INTS6L: variants seen among roughly 807,000 people sequenced by gnomAD.
INTS6L encodes the protein integrator complex subunit 6 like.
INTS6L carries 18 observed loss-of-function variants against 64.7 expected under a neutral mutation model. That is an observed-to-expected ratio of 0.28 (90% CI 0.19 to 0.41). The LOEUF (loss-of-function observed/expected upper bound fraction) is 0.41, where lower values mean the gene tolerates loss of function less well. Among genes scored for constraint, INTS6L ranks in the 10% least tolerant of loss-of-function variants. The probability of loss-of-function intolerance (pLI) is 1.00; values close to 1 mark genes in which losing one functional copy is unlikely to be tolerated. For missense variants in INTS6L, 533 were observed against 661.0 expected (o/e 0.81, Z 2.12); for synonymous variants, 227 against 235.9 (o/e 0.96, Z 0.34).
At chrX:135,530,930 G>T (rs1435057578) in intron 2 of INTS6L, among the ~76,000 whole-genome samples, 1 of 111,667 alleles carries the variant, frequency 9.0e-6, no homozygotes, top group Non-Finnish European at 1.9e-5. Flanking sequence ...TTTTCCCCTG[G>T]TTATACTACT....
In INTS6L at chrX:135,577,244, G is replaced by A; in HGVS notation, c.1936G>A (p.Val646Met). The A allele has an allele frequency of 8.3e-7, 1 of 1,211,674 alleles. No homozygotes were observed. Among genetic ancestry groups the A allele is most frequent in the Non-Finnish European group, 1.1e-6 (1 of 895,520 alleles). Residue 646 changes from valine (V) to methionine (M), a missense_variant, in exon 15 of 18, where the codon GTG becomes ATG. Val to Met is a conservative substitution (Grantham distance 21). Transcript: ENST00000639893. The part of the protein sequence containing the change: ...DEFVAGPQNK[V>M]KRPGEPNSPM... ...GTTTGTAGCAGGGCCACAAAACAAA[G>A]TGAAACGTCCAGGGGAACCCAACAG...
chrX:135,536,488 C>T (rs992206350), intron 2 of INTS6L, among the ~76,000 whole-genome samples: 4 of 110,699 alleles, frequency 3.6e-5, no homozygotes, highest in Non-Finnish European at 7.6e-5. Flanking sequence ...TTAGTAAGGT[C>T]GCTAACATTT....
intron 2 of INTS6L, among the ~76,000 whole-genome samples, chrX:135,532,498 T>G (rs1479800075): frequency 8.9e-6 from 1 of 112,228 alleles, no homozygotes; most frequent in African/African-American, 3.2e-5. Flanking sequence ...TCTACTGTCA[T>G]GTAATATGGC....
chrX:135,576,775 A>C (rs1344585470), intron 14 of INTS6L, among the ~76,000 whole-genome samples: 1 of 112,572 alleles, frequency 8.9e-6, no homozygotes, highest in African/African-American at 3.2e-5. Context: ...ATGAGTTTGG[A>C]GCATAAAAAA....
At chrX:135,555,267 C>T (rs995231728) in intron 8 of INTS6L, among the ~76,000 whole-genome samples, 1 of 110,905 alleles carries the variant, frequency 9.0e-6, no homozygotes, top group East Asian at 2.8e-4. Flanking sequence ...ATAATTAGCA[C>T]CAGTGCCTGG....
chrX:135,530,302 C>T (rs1340129562), intron 2 of INTS6L, among the ~76,000 whole-genome samples: 1 of 111,471 alleles, frequency 9.0e-6, no homozygotes, highest in African/African-American at 3.3e-5. Context: ...CACAGTTATG[C>T]CCCTACTGGT....
At chrX:135,527,847 G>A (rs973127882) in intron 2 of INTS6L, among the ~76,000 whole-genome samples, 2 of 110,869 alleles carry the variant, frequency 1.8e-5, no homozygotes, top group African/African-American at 6.6e-5. Context: ...TGGGGTGGGG[G>A]TAGGGAGATG....
At chrX:135,580,997 T>G in intron 16 of INTS6L, 53 bp from the exon 17 acceptor site, 1 of 869,855 alleles carries the variant, frequency 1.1e-6, no homozygotes, top group Non-Finnish European at 1.6e-6. Flanking sequence ...CAATTAAATT[T>G]TATTTCCCAT....
intron 9 of INTS6L, among the ~76,000 whole-genome samples, chrX:135,560,771 G>A (rs1370633658): frequency 8.3e-5 from 9 of 108,588 alleles, no homozygotes; most frequent in African/African-American, 3.0e-4. Flanking sequence ...TCGAACCCGG[G>A]AGGTGGAGGT....
At chrX:135,565,710 C>G (rs73561627) in intron 9 of INTS6L, among the ~76,000 whole-genome samples, 2,670 of 111,631 alleles carry the variant, frequency 0.024, 80 homozygotes, top group African/African-American at 0.082. Flanking sequence ...TGAACTCTTA[C>G]CTTACCATGC....
At chrX:135,523,400 G>C (rs1227866451) in intron 2 of INTS6L, among the ~76,000 whole-genome samples, 1 of 6,370 alleles carries the variant, frequency 1.6e-4, no homozygotes, top group Non-Finnish European at 4.9e-4. Flanking sequence ...AAACTCTGTC[G>C]TCAAAAAAAA....
intron 8 of INTS6L, among the ~76,000 whole-genome samples, chrX:135,553,691 T>C (rs192496887): frequency 9.9e-5 from 11 of 110,662 alleles, no homozygotes; most frequent in Admixed American, 8.7e-4. Flanking sequence ...CATTGAGCTC[T>C]ATACTTATAG....
intron 7 of INTS6L, 123 bp from the exon 8 acceptor site, chrX:135,551,871 A>C: frequency 3.2e-6 from 2 of 631,910 alleles, no homozygotes; most frequent in Non-Finnish European, 4.4e-6. Context: ...CTTTCTCAAA[A>C]TGCTAGTCTG....
chrX:135,574,524 T>C (rs1207159099), intron 13 of INTS6L, among the ~76,000 whole-genome samples: 3 of 111,923 alleles, frequency 2.7e-5, no homozygotes, highest in Admixed American at 9.5e-5. Flanking sequence ...AACCTAATGG[T>C]ATCCAGGATA....
chrX:135,559,453 G>T (rs2086726307), intron 9 of INTS6L, among the ~76,000 whole-genome samples: 1 of 112,088 alleles, frequency 8.9e-6, no homozygotes, highest in Non-Finnish European at 1.9e-5. Flanking sequence ...ATTCCTTCAG[G>T]TTGTTGCAAG....
chrX:135,576,462 G>T (rs191706451), intron 14 of INTS6L, among the ~76,000 whole-genome samples: 1,600 of 111,243 alleles, frequency 0.014, 11 homozygotes, highest in Middle Eastern at 0.038. Context: ...TTTCTGTATT[G>T]TTTATGAGTA....
chrX:135,570,356 C>T, intron 10 of INTS6L, 80 bp from the exon 11 acceptor site: 1 of 880,152 alleles, frequency 1.1e-6, no homozygotes, highest in Non-Finnish European at 1.5e-6. Flanking sequence ...TGAATCATGT[C>T]CCTTTGCCCC....
intron 9 of INTS6L, among the ~76,000 whole-genome samples, chrX:135,566,370 G>T (rs1235962203): frequency 2.7e-5 from 3 of 111,834 alleles, no homozygotes; most frequent in Non-Finnish European, 3.8e-5. Flanking sequence ...GCTCTCGAAG[G>T]CACTGCTATA....
At chrX:135,575,017 C>T in intron 13 of INTS6L, 67 bp from the exon 14 acceptor site, 2 of 1,132,861 alleles carry the variant, frequency 1.8e-6, no homozygotes, top group South Asian at 2.0e-5. Context: ...AAACTATGAT[C>T]ATGTCTTCTC....
Sources: allele counts gnomAD v4.1 joint callset (sites outside exome capture counted in the v4.1 genomes callset), GRCh38; gene constraint gnomAD v4.1.1; transcripts MANE v1.5; gene names NCBI Gene and HGNC (gene_info 2026-07-23, HGNC 2026-07-21).